Variants in AGBL4 observed in about 807,000 individuals in gnomAD.
AGBL4 encodes cytosolic carboxypeptidase 6.
AGBL4 carries 58 observed loss-of-function variants against 66.4 expected under a neutral mutation model. The ratio of observed to expected loss-of-function variants is 0.87; its 90% CI spans 0.71 to 1.09. The LOEUF is 1.09. Ranked by LOEUF, AGBL4 falls within the 50% of genes least tolerant of loss-of-function variation. The pLI is 0.00. For synonymous variants in AGBL4, 234 were observed against 222.9 expected (o/e 1.05, Z -0.44); for missense variants, 579 against 631.0 (o/e 0.92, Z 0.88).
chr1:48,643,158 C>T (rs968576416), intron 8 of AGBL4, among the ~76,000 whole-genome samples: 2 of 152,212 alleles, frequency 1.3e-5, no homozygotes, highest in African/African-American at 4.8e-5. Context: ...GGATCCTTCA[C>T]AATCTGGTCC....
chr1:49,108,901 A>G (rs1288896897), intron 4 of AGBL4, among the ~76,000 whole-genome samples: 1 of 152,138 alleles, frequency 6.6e-6, no homozygotes, highest in African/African-American at 2.4e-5. Context: ...AGACAGGAGA[A>G]CGCCCTCAGT....
intron 3 of AGBL4, among the ~76,000 whole-genome samples, chr1:49,376,601 A>T (rs1244883769): frequency 6.6e-6 from 1 of 151,992 alleles, no homozygotes; most frequent in Non-Finnish European, 1.5e-5. Context: ...ACCTGAACTA[A>T]TATTTGTAAA....
intron 2 of AGBL4, among the ~76,000 whole-genome samples, chr1:49,850,646 C>A (rs1043743144): frequency 6.6e-6 from 1 of 152,076 alleles, no homozygotes; most frequent in African/African-American, 2.4e-5. Flanking sequence ...TCAGAAAAAA[C>A]TATTATATAA....
Position 48,589,304 on chromosome 1 carries a change from TG to T in AGBL4, c.1104+1528del, listed in dbSNP as rs761065980. 3.3e-5 allele frequency among the ~76,000 whole-genome samples: 5 copies of T among 152,274 alleles called. No homozygotes were observed. In the South Asian group the frequency reaches 1.0e-3, roughly 32 times the overall value. On this transcript the variant is annotated intron_variant, in intron 10 of 13. Transcript: ENST00000371839. ...TAATCTGCCAATTCCTTTCCTGGTT[TG>T]ACATTCAAAAGTTCTGGGATTCAGA...
At chr1:49,223,614 T>A (rs189629921) in intron 4 of AGBL4, among the ~76,000 whole-genome samples, 4 of 152,338 alleles carry the variant, frequency 2.6e-5, no homozygotes, top group Admixed American at 2.6e-4. Flanking sequence ...AATTTCAAAC[T>A]GACAGCAGAC....
intron 2 of AGBL4, among the ~76,000 whole-genome samples, chr1:49,832,554 T>A (rs958747157): frequency 4.6e-5 from 7 of 151,920 alleles, no homozygotes; most frequent in Middle Eastern, 3.4e-3. Context: ...TAGTTCTAGA[T>A]CCCTGAGGAA....
At chr1:49,501,114 A>T (rs2148763541) in intron 3 of AGBL4, among the ~76,000 whole-genome samples, 1 of 151,958 alleles carries the variant, frequency 6.6e-6, no homozygotes, top group East Asian at 1.9e-4. Context: ...TGCTAAGTGT[A>T]TTTTTTGTTT....
intron 3 of AGBL4, among the ~76,000 whole-genome samples, chr1:49,539,905 AG>A (rs1248599553): frequency 6.6e-6 from 1 of 152,206 alleles, no homozygotes; most frequent in Non-Finnish European, 1.5e-5. Context: ...GGTAAGAGCA[AG>A]TAAACCAGCC....
At chr1:48,727,815 G>T in intron 6 of AGBL4, 2 of 1,448,676 alleles carry the variant, frequency 1.4e-6, no homozygotes, top group Non-Finnish European at 1.9e-6. Context: ...GGTCTGATTT[G>T]GACGGCACCA....
chr1:50,021,506 C>T (rs932798683), intron 1 of AGBL4, among the ~76,000 whole-genome samples: 37 of 152,174 alleles, frequency 2.4e-4, no homozygotes, highest in African/African-American at 8.0e-4. Context: ...CCTTCCAATG[C>T]TCCCTATCCC....
intron 1 of AGBL4, among the ~76,000 whole-genome samples, chr1:49,966,119 T>G (rs954658136): frequency 1.3e-5 from 2 of 151,966 alleles, no homozygotes; most frequent in African/African-American, 4.8e-5. Context: ...TTTTTTTGTA[T>G]TTTTAGTAGA....
chr1:49,829,169 A>G (rs1198938171), intron 2 of AGBL4, among the ~76,000 whole-genome samples: 2 of 152,196 alleles, frequency 1.3e-5, no homozygotes, highest in African/African-American at 4.8e-5. Context: ...TGGATTCAGG[A>G]TATTTAAGCA....
chr1:48,608,596 T>C lies in AGBL4; in HGVS notation c.952-17611A>G, dbSNP rs933635265. On this transcript the variant is annotated intron_variant, in intron 9 of 13. Transcript: ENST00000371839. ...ATAGATGGATGGATGGACGGATGGA[T>C]AGATGGATGGATGGACAAGACAGGC... 3.9e-5 allele frequency among the ~76,000 whole-genome samples: 6 copies of C among 152,086 alleles called. No homozygotes were observed. The East Asian group carries it at 7.7e-4, about 20-fold the overall frequency.
chr1:49,943,264 A>G (rs576378420), intron 1 of AGBL4, among the ~76,000 whole-genome samples: 136 of 152,208 alleles, frequency 8.9e-4, no homozygotes, highest in Non-Finnish European at 1.6e-3. Context: ...GGAGAGGATC[A>G]TGGCAGATGG....
rs115159789 is a variant in AGBL4, at chr1:48,902,878, T to C, written c.595-35648A>G. Among the ~76,000 whole-genome samples the C allele has an allele frequency of 5.7e-3, 865 of 152,276 alleles. 4 individuals carry two copies. Among genetic ancestry groups the C allele is most frequent in the Middle Eastern group, 0.024 (7 of 294 alleles). On this transcript the variant is annotated intron_variant, in intron 5 of 13. Transcript: ENST00000371839. Reference sequence around the variant, plus strand: ...ACTCCCCATTGCCCTCAGGATGATGTTCAAGATCCTTAGCCTGGCACTTGT... The same window carrying C: ...ACTCCCCATTGCCCTCAGGATGATGCTCAAGATCCTTAGCCTGGCACTTGT...
chr1:48,610,320 G>C (rs1359856673), intron 9 of AGBL4, among the ~76,000 whole-genome samples: 1 of 152,142 alleles, frequency 6.6e-6, no homozygotes. Context: ...CTGCATGCCA[G>C]TATGAATTAT....
chr1:48,868,951 A>C (rs901473478), intron 5 of AGBL4, among the ~76,000 whole-genome samples: 1 of 152,180 alleles, frequency 6.6e-6, no homozygotes, highest in East Asian at 1.9e-4. Flanking sequence ...TCTTCTCTCC[A>C]GTCTAAATAT....
At chr1:48,561,641 C>T (rs772667496) in intron 11 of AGBL4, among the ~76,000 whole-genome samples, 2 of 152,164 alleles carry the variant, frequency 1.3e-5, no homozygotes, top group African/African-American at 2.4e-5. Context: ...TATGGGTGGG[C>T]CTCATCCAAT....
intron 9 of AGBL4, among the ~76,000 whole-genome samples, chr1:48,614,729 A>G (rs987914157): frequency 1.1e-4 from 17 of 152,218 alleles, no homozygotes; most frequent in Admixed American, 7.9e-4. Context: ...TCCTCTCAGC[A>G]AAAGAGAAAA....
Sources: allele counts gnomAD v4.1 joint callset (sites outside exome capture counted in the v4.1 genomes callset), GRCh38; gene constraint gnomAD v4.1.1; transcripts MANE v1.5; gene names NCBI Gene and HGNC (gene_info 2026-07-23, HGNC 2026-07-21).